Variants in PRKN observed in about 807,000 individuals in gnomAD.
The protein encoded by PRKN is E3 ubiquitin-protein ligase parkin.
In PRKN, 56 loss-of-function variants were observed where a neutral mutation model predicts 59.5. The ratio of observed to expected loss-of-function variants is 0.94; its 90% CI spans 0.76 to 1.18. PRKN has a LOEUF of 1.18. PRKN is among the 50% of genes most tolerant of loss of function. The pLI is 0.00. For synonymous variants in PRKN, 250 were observed against 222.1 expected (o/e 1.13, Z -1.12); for missense variants, 657 against 596.4 (o/e 1.10, Z -1.06).
chr6:161,721,897 A>G (rs1787237560), intron 7 of PRKN, among the ~76,000 whole-genome samples: 2 of 152,250 alleles, frequency 1.3e-5, no homozygotes, highest in African/African-American at 4.8e-5. Context: ...GTTTGACCCC[A>G]GCTTTCAGGT....
At chr6:161,716,851 C>T (rs114823690) in intron 7 of PRKN, among the ~76,000 whole-genome samples, 1 of 152,136 alleles carries the variant, frequency 6.6e-6, no homozygotes, top group African/African-American at 2.4e-5. Flanking sequence ...TGGGAAGAGG[C>T]CTTCAGCTTA....
At chr6:161,806,293 G>C (rs1791317385) in intron 6 of PRKN, among the ~76,000 whole-genome samples, 2 of 152,098 alleles carry the variant, frequency 1.3e-5, no homozygotes, top group African/African-American at 4.8e-5. Context: ...GGAACTGACG[G>C]GCCCTGATAT....
chr6:162,031,421 T>C (rs1275261281), intron 5 of PRKN, among the ~76,000 whole-genome samples: 1 of 151,896 alleles, frequency 6.6e-6, no homozygotes, highest in African/African-American at 2.4e-5. Context: ...TTTTTTTATC[T>C]CTCATAGGCA....
intron 2 of PRKN, among the ~76,000 whole-genome samples, chr6:162,419,890 C>T (rs1555009): frequency 0.51 from 78,023 of 151,528 alleles, 20,456 homozygotes; most frequent in East Asian, 0.68. Flanking sequence ...TGATTACTTA[C>T]TATCCTCCCT....
intron 1 of PRKN, among the ~76,000 whole-genome samples, chr6:162,686,065 A>G (rs4510651): frequency 0.064 from 9,770 of 152,224 alleles, 473 homozygotes; most frequent in East Asian, 0.29. Flanking sequence ...TGTCTGGGTT[A>G]GGGATGTGGT....
intron 2 of PRKN, among the ~76,000 whole-genome samples, chr6:162,385,267 A>G (rs762503187): frequency 1.3e-5 from 2 of 152,148 alleles, no homozygotes; most frequent in Non-Finnish European, 2.9e-5. Context: ...TAACATAAAC[A>G]CACCAGTTAT....
intron 4 of PRKN, among the ~76,000 whole-genome samples, chr6:162,192,826 C>A (rs540019822): frequency 6.6e-6 from 1 of 152,080 alleles, no homozygotes; most frequent in Non-Finnish European, 1.5e-5. Flanking sequence ...ATGGGTCAAG[C>A]GCATGGCTGG....
chr6:161,968,721 CTTTTAT>C (rs1255075944), intron 6 of PRKN, among the ~76,000 whole-genome samples: 1 of 151,934 alleles, frequency 6.6e-6, no homozygotes, highest in African/African-American at 2.4e-5. Context: ...TTAAAACACC[CTTTTAT>C]TTTTAAGTCT....
At chr6:161,531,337 T>C (rs1345799002) in intron 9 of PRKN, among the ~76,000 whole-genome samples, 6 of 149,192 alleles carry the variant, frequency 4.0e-5, no homozygotes, top group Non-Finnish European at 8.9e-5. Context: ...GCCGAGATCA[T>C]GCCACTGCAC....
intron 1 of PRKN, among the ~76,000 whole-genome samples, chr6:162,475,450 CAA>C (rs1327052873): frequency 3.3e-5 from 5 of 150,752 alleles, no homozygotes; most frequent in African/African-American, 1.2e-4. Flanking sequence ...GGAGGAGGAA[CAA>C]ATAAACAGCA....
chr6:162,536,028 A>C (rs1341987114), intron 1 of PRKN, among the ~76,000 whole-genome samples: 1 of 152,100 alleles, frequency 6.6e-6, no homozygotes, highest in East Asian at 1.9e-4. Context: ...ATCAAACTAT[A>C]GCAAAAACAT....
chr6:162,610,623 T>C (rs1782107497), intron 1 of PRKN, among the ~76,000 whole-genome samples: 1 of 152,012 alleles, frequency 6.6e-6, no homozygotes, highest in Admixed American at 6.6e-5. Context: ...AGGCATTTGA[T>C]GCCCTCACAA....
intron 10 of PRKN, among the ~76,000 whole-genome samples, chr6:161,383,682 C>A (rs544463063): frequency 8.1e-4 from 123 of 152,322 alleles, no homozygotes; most frequent in Middle Eastern, 3.4e-3. Flanking sequence ...CCTTTACAGG[C>A]CTGGGGTGGT....
At chr6:161,513,788 A>T (rs1778488184) in intron 9 of PRKN, among the ~76,000 whole-genome samples, 1 of 152,118 alleles carries the variant, frequency 6.6e-6, no homozygotes, top group Admixed American at 6.5e-5. Context: ...TACAACGAGC[A>T]TGGGAGGTGG....
chr6:161,799,011 CTG>C (rs1790970284), intron 6 of PRKN, among the ~76,000 whole-genome samples: 1 of 152,204 alleles, frequency 6.6e-6, no homozygotes, highest in South Asian at 2.1e-4. Context: ...GGCCAGAAAA[CTG>C]GGATTTGGCC....
At chr6:162,050,465 A>G (rs1250146142) in intron 5 of PRKN, among the ~76,000 whole-genome samples, 1 of 70,998 alleles carries the variant, frequency 1.4e-5, no homozygotes, top group African/African-American at 6.6e-5. Context: ...CCTATATTTC[A>G]CCCCCTCTCT....
chr6:161,777,944 CA>C (rs1383281251), intron 7 of PRKN, among the ~76,000 whole-genome samples: 1 of 147,224 alleles, frequency 6.8e-6, no homozygotes, highest in Non-Finnish European at 1.5e-5. Context: ...TTAACAGTCC[CA>C]GGGGTTTAAA....
chr6:161,578,642 C>T lies in PRKN; in HGVS notation c.872-9226G>A, dbSNP rs1251017309. Among the ~76,000 whole-genome samples, 1 of 152,172 alleles carries T rather than the reference C, an allele frequency of 6.6e-6. No individual in the cohort carries two copies. Among genetic ancestry groups the T allele is most frequent in the Non-Finnish European group, 1.5e-5 (1 of 68,032 alleles). On this transcript the variant is annotated intron_variant, in intron 7 of 11. Transcript: ENST00000366898. This position sits in a 1 kb window ranked among gnomAD's most constrained non-coding sequence, Gnocchi z 4.2. The stretch of plus-strand genomic sequence containing the variant: ...AGGCTCTATGAACACCCTCCCCTGA[C>T]CTCTCTTTCCTGTGACACCTCCATG...
rs1012734574 is a variant in PRKN, at chr6:161,502,644, G to T, written c.1083+46210C>A. Among the ~76,000 whole-genome samples, 2 of 152,150 alleles carry T rather than the reference G, an allele frequency of 1.3e-5. No individual in the cohort carries two copies. Among genetic ancestry groups the T allele is most frequent in the African/African-American group, 2.4e-5 (1 of 41,432 alleles). ...ACAAGCAGGGAAGAGAGAAATGGGG[G>T]ATTTGGGAGTAGCAACCTCTGGAGT... On this transcript the variant is annotated intron_variant, in intron 9 of 11. Transcript: ENST00000366898. The surrounding 1 kb of genome is among the most constrained non-coding windows in gnomAD (Gnocchi z 4.0).
Sources: allele counts gnomAD v4.1 joint callset (sites outside exome capture counted in the v4.1 genomes callset), GRCh38; gene constraint gnomAD v4.1.1; non-coding constraint Gnocchi (gnomAD v3.1); transcripts MANE v1.5; gene names NCBI Gene and HGNC (gene_info 2026-07-23, HGNC 2026-07-21).